Variants in RPRD1A observed in about 807,000 individuals in gnomAD.
RPRD1A encodes regulation of nuclear pre-mRNA domain-containing protein 1A.
RPRD1A carries 9 observed loss-of-function variants against 37.8 expected under a neutral mutation model. That is an observed-to-expected ratio of 0.24 (90% confidence interval 0.14 to 0.42). The LOEUF (loss-of-function observed/expected upper bound fraction) is 0.42, where lower values mean the gene tolerates loss of function less well. Ranked by LOEUF, RPRD1A falls within the 10% of genes least tolerant of loss-of-function variation. The pLI is 1.00. For synonymous variants in RPRD1A, 138 were observed against 139.7 expected (o/e 0.99, Z 0.08); for missense variants, 255 against 371.0 (o/e 0.69, Z 2.57).
intron 1 of RPRD1A, among the ~76,000 whole-genome samples, chr18:36,044,727 T>A (rs1912829360): frequency 6.6e-6 from 1 of 151,482 alleles, no homozygotes; most frequent in South Asian, 2.1e-4. Context: ...GCAGATCAAG[T>A]CTCATGTCCT....
At chr18:36,036,512 G>A (rs1375642974) in intron 1 of RPRD1A, among the ~76,000 whole-genome samples, 1 of 152,106 alleles carries the variant, frequency 6.6e-6, no homozygotes, top group African/African-American at 2.4e-5. Flanking sequence ...AATTCCATAT[G>A]AGGTGATTGA....
chr18:35,999,652 AG>A (rs549712625), intron 6 of RPRD1A, among the ~76,000 whole-genome samples: 295 of 151,970 alleles, frequency 1.9e-3, no homozygotes, highest in African/African-American at 6.9e-3. Context: ...CAAAAAAAAA[AG>A]AGAGAATTTC....
At chr18:36,004,207 G>A (rs1056196310) in intron 6 of RPRD1A, among the ~76,000 whole-genome samples, 2 of 151,860 alleles carry the variant, frequency 1.3e-5, no homozygotes, top group African/African-American at 2.4e-5. Flanking sequence ...TGTTACCAAT[G>A]ATAGCACTCC....
rs1265237741 is a variant in RPRD1A at position 35,991,799 on chromosome 18, A to T, written c.*1352T>A. The T allele has an allele frequency of 6.6e-6, 1 of 152,212 alleles. No homozygotes were observed. Among genetic ancestry groups the T allele is most frequent in the Non-Finnish European group, 1.5e-5 (1 of 68,030 alleles). The allele number at this position is 152,212 out of a possible 1,614,324, so 9.4% of individuals were successfully genotyped here. A position where few individuals can be genotyped will look rare whatever the true frequency, so the allele number is the denominator to read the frequency against. ...GCAATTCATTGTAACTATAATTTCT[A>T]ATACTGAGAAAGAAACAATGAAGCC... On this transcript the variant is annotated 3_prime_UTR_variant, in exon 7 of 7. Coordinates refer to ENST00000399022, the MANE Select transcript of RPRD1A (RefSeq NM_018170.5).
intron 1 of RPRD1A, among the ~76,000 whole-genome samples, chr18:36,048,656 GA>G (rs1052183892): frequency 1.7e-4 from 24 of 138,652 alleles, no homozygotes; most frequent in South Asian, 6.9e-4. Context: ...AAAAAAAAAA[GA>G]AAAAAAAAAC....
At chr18:36,029,292 G>C (rs1911595607) in intron 4 of RPRD1A, among the ~76,000 whole-genome samples, 1 of 152,160 alleles carries the variant, frequency 6.6e-6, no homozygotes, top group Admixed American at 6.5e-5. Context: ...GGGGGAAAGA[G>C]CTCCTCCCAG....
intron 1 of RPRD1A, among the ~76,000 whole-genome samples, chr18:36,042,661 T>C (rs938790814): frequency 1.3e-5 from 2 of 152,164 alleles, no homozygotes; most frequent in Non-Finnish European, 2.9e-5. Flanking sequence ...CAATAACCTA[T>C]AGAAAAACAG....
At position 35,995,628 on chromosome 18, in the gene RPRD1A, A is replaced by G. The variant is rs116177181; in HGVS notation, c.790-2328T>C. On this transcript the variant is annotated intron_variant, in intron 6 of 6. Coordinates refer to ENST00000399022, the MANE Select transcript of RPRD1A (RefSeq NM_018170.5). ...AATTCATTGTAATTTGATATTTGAAAAAGGTTCACCTACAGCATTTCATAT... is the reference window on the plus strand; with the variant it reads ...AATTCATTGTAATTTGATATTTGAAGAAGGTTCACCTACAGCATTTCATAT... Among the ~76,000 whole-genome samples, 500 of 152,320 alleles carry G rather than the reference A, an allele frequency of 3.3e-3. 1 individual carries two copies. Among genetic ancestry groups the G allele is most frequent in the African/African-American group, 0.012 (487 of 41,564 alleles).
intron 1 of RPRD1A, among the ~76,000 whole-genome samples, chr18:36,045,060 A>G (rs1344540943): frequency 1.3e-5 from 2 of 151,930 alleles, no homozygotes; most frequent in Non-Finnish European, 2.9e-5. Context: ...GGCAACGTGA[A>G]GAAACCCTGT....
At chr18:35,998,307 G>T (rs1462010574) in intron 6 of RPRD1A, among the ~76,000 whole-genome samples, 1 of 152,092 alleles carries the variant, frequency 6.6e-6, no homozygotes, top group Non-Finnish European at 1.5e-5. Flanking sequence ...AGTGAGCTGA[G>T]ATTGCACCGT....
chr18:36,012,654 C>A (rs1910250776), intron 6 of RPRD1A, among the ~76,000 whole-genome samples: 1 of 152,176 alleles, frequency 6.6e-6, no homozygotes, highest in Non-Finnish European at 1.5e-5. Flanking sequence ...CAGAATGTAT[C>A]CCATCGTTAA....
rs987982666 is a variant in RPRD1A at position 35,990,206 on chromosome 18, A to G, written c.*2945T>C. The G allele has an allele frequency of 2.6e-5, 4 of 152,218 alleles. No homozygotes were observed. The highest frequency in any genetic ancestry group is 5.9e-5 in the Non-Finnish European group (4 of 68,032). The allele number at this position is 152,218 out of a possible 1,614,324, so 9.4% of individuals were successfully genotyped here. On this transcript the variant is annotated 3_prime_UTR_variant, in exon 7 of 7. Coordinates refer to ENST00000399022, the MANE Select transcript of RPRD1A (RefSeq NM_018170.5). The stretch of plus-strand genomic sequence containing the variant: ...ATGAAAAATTCAGAAAGGACATTCT[A>G]ACTTTCCCAATTAGTTAATTTGTAC...
rs1481706563 is a variant in RPRD1A, at chr18:35,993,128, G to A, written c.*23C>T. 6.2e-7 allele frequency: 1 copy of A among 1,609,734 alleles called. No homozygotes were observed. Among genetic ancestry groups the A allele is most frequent in the Non-Finnish European group, 8.5e-7 (1 of 1,177,724 alleles). On this transcript the variant is annotated 3_prime_UTR_variant, in exon 7 of 7. Coordinates refer to ENST00000399022, the MANE Select transcript of RPRD1A (RefSeq NM_018170.5). ...TGTCTCCATCTCTTGCAAAGTCCTG[G>A]GACCTGGAAAGAGGCTGGTCCATCA...
intron 6 of RPRD1A, among the ~76,000 whole-genome samples, chr18:36,022,735 G>C (rs1221260648): frequency 3.9e-5 from 6 of 151,974 alleles, no homozygotes; most frequent in African/African-American, 7.3e-5. Flanking sequence ...GGCCCAGGTG[G>C]GAGGACTGCT....
chr18:36,027,484 C>CTG (rs142934701), intron 4 of RPRD1A, 174 bp from the exon 5 acceptor site: 35 of 627,286 alleles, frequency 5.6e-5, no homozygotes, highest in African/African-American at 4.2e-4. Context: ...GGAGGCTATA[C>CTG]TATGTTAGGT....
At chr18:36,042,487 G>A (rs573972706) in intron 1 of RPRD1A, among the ~76,000 whole-genome samples, 15 of 152,320 alleles carry the variant, frequency 9.8e-5, no homozygotes, top group African/African-American at 3.4e-4. Flanking sequence ...CAGCACAGCA[G>A]AGAGGGGAAC....
chr18:36,026,861 TTAAA>T (rs771856437), intron 6 of RPRD1A, 35 bp downstream of exon 6: 9 of 1,538,586 alleles, frequency 5.8e-6, no homozygotes, highest in Non-Finnish European at 7.9e-6. Flanking sequence ...AAAAAGAGAA[TTAAA>T]TAAATAAGCA....
intron 6 of RPRD1A, among the ~76,000 whole-genome samples, chr18:35,996,969 C>A (rs1214156053): frequency 1.6e-5 from 2 of 128,278 alleles, no homozygotes; most frequent in Non-Finnish European, 3.1e-5. Context: ...TAGAGTGAGA[C>A]CCTGTCTCAA....
intron 6 of RPRD1A, among the ~76,000 whole-genome samples, chr18:36,000,758 C>G (rs1909365494): frequency 6.6e-6 from 1 of 152,156 alleles, no homozygotes; most frequent in Non-Finnish European, 1.5e-5. Flanking sequence ...AACTAAACCA[C>G]ATTTAACCAT....
Sources: gnomAD v4.1 joint callset for allele counts (sites outside exome capture counted in the v4.1 genomes callset) on GRCh38, gnomAD v4.1.1 for gene constraint, MANE v1.5 for transcripts, NCBI Gene and HGNC (gene_info 2026-07-23, HGNC 2026-07-21) for gene names.